The following PHYKPL variants were observed in gnomAD, a reference collection of about 807,000 sequenced individuals.
PHYKPL encodes the protein 5-phosphohydroxy-L-lysine phospho-lyase.
A neutral mutation model predicts 51.3 loss-of-function variants in PHYKPL; 42 were observed. The ratio of observed to expected loss-of-function variants is 0.82; its 90% CI spans 0.64 to 1.06. The LOEUF (loss-of-function observed/expected upper bound fraction) is 1.06, where lower values mean the gene tolerates loss of function less well. PHYKPL is among the 50% of genes least tolerant of loss of function. The pLI is 0.00. For synonymous variants in PHYKPL, 264 were observed against 236.0 expected, an observed-to-expected ratio of 1.12 and a Z score of -1.09; for missense variants, 655 against 586.6, an observed-to-expected ratio of 1.12 and a Z score of -1.20.
intron 12 of PHYKPL, chr5:178,211,468 A>G (rs938834915): frequency 6.3e-6 from 1 of 159,984 alleles, no homozygotes; most frequent in African/African-American, 2.4e-5. Context: ...TGAATGAAAA[A>G]ATGGGATTCT....
chr5:178,211,865 A>C, intron 12 of PHYKPL, 25 bp downstream of exon 12: 4 of 1,547,810 alleles, frequency 2.6e-6, no homozygotes, highest in Non-Finnish European at 3.6e-6. Flanking sequence ...TGCATCTTCA[A>C]GAGTAAGAAG....
intron 2 of PHYKPL, chr5:178,230,356 G>T: frequency 4.5e-6 from 2 of 444,788 alleles, no homozygotes; most frequent in Non-Finnish European, 4.1e-6. Context: ...TCTTTAAGGA[G>T]GACTTTTTTT....
At chr5:178,209,549 C>A in intron 12 of PHYKPL, 1 of 1,000,192 alleles carries the variant, frequency 1.0e-6, no homozygotes, top group Non-Finnish European at 1.5e-6. Context: ...CAGGGGTGGG[C>A]AGATTGTGTG....
At chr5:178,210,970 C>A in intron 12 of PHYKPL, 1 of 275,070 alleles carries the variant, frequency 3.6e-6, no homozygotes, top group Non-Finnish European at 6.9e-6. Flanking sequence ...ACCAGTGTCA[C>A]CTTTTTTTCA....
intron 1 of PHYKPL, chr5:178,232,133 C>T (rs1763593318): frequency 8.4e-7 from 1 of 1,195,082 alleles, no homozygotes; most frequent in Non-Finnish European, 1.1e-6. Flanking sequence ...GCTGACGGGC[C>T]ACCCTGGGTG....
intron 8 of PHYKPL, among the ~76,000 whole-genome samples, chr5:178,219,879 G>A (rs573336373): frequency 1.6e-4 from 25 of 152,166 alleles, no homozygotes; most frequent in African/African-American, 6.0e-4. Context: ...CCACTTGACT[G>A]GCAAAAATTA....
chr5:178,210,752 TC>T (rs1758034336), intron 12 of PHYKPL: 8 of 733,212 alleles, frequency 1.1e-5, no homozygotes, highest in Non-Finnish European at 1.9e-5. Context: ...ATTTAAAATT[TC>T]CCCCATGGAA....
At chr5:178,209,302 G>A (rs1757428941) in intron 12 of PHYKPL, 1 of 1,589,876 alleles carries the variant, frequency 6.3e-7, no homozygotes, top group East Asian at 2.2e-5. Flanking sequence ...TGTCCTACTG[G>A]CCTGACCACT....
chr5:178,232,299 G>A (rs944613768), intron 1 of PHYKPL, 193 bp downstream of exon 1: 2 of 1,255,156 alleles, frequency 1.6e-6, no homozygotes, highest in Non-Finnish European at 2.0e-6. Context: ...ACCACCCGCC[G>A]GGACTGCCCA....
chr5:178,217,036 A>G (rs908977046), intron 8 of PHYKPL: 1 of 152,246 alleles, frequency 6.6e-6, no homozygotes, highest in African/African-American at 2.4e-5. Flanking sequence ...GCAAACAGAA[A>G]CAACCCCAAA....
At chr5:178,210,433 C>T (rs1332290659) in intron 12 of PHYKPL, 4 of 1,514,282 alleles carry the variant, frequency 2.6e-6, no homozygotes, top group Non-Finnish European at 3.6e-6. Context: ...GTCTTAATAA[C>T]ATGAGGAAGG....
chr5:178,211,379 G>T (rs56727222), intron 12 of PHYKPL: 6,299 of 155,482 alleles, frequency 0.041, 397 homozygotes, highest in African/African-American at 0.14. Flanking sequence ...GAGTGAGGAT[G>T]GGGCAGTGAT....
At chr5:178,228,901 A>G (rs1221609372) in intron 3 of PHYKPL, among the ~76,000 whole-genome samples, 1 of 152,120 alleles carries the variant, frequency 6.6e-6, no homozygotes, top group Non-Finnish European at 1.5e-5. Flanking sequence ...CTCTTAGGAT[A>G]AAGACAGCTT....
chr5:178,210,994 T>C, intron 12 of PHYKPL: 1 of 236,852 alleles, frequency 4.2e-6, no homozygotes, highest in Non-Finnish European at 8.2e-6. Context: ...TTTAATTTTA[T>C]ATTATTTGCG....
chr5:178,225,980 AT>A, intron 3 of PHYKPL: 1 of 154,016 alleles, frequency 6.5e-6, no homozygotes, highest in Non-Finnish European at 1.4e-5. Context: ...GGGTCTCACT[AT>A]ATTGCCCAGA....
chr5:178,218,375 ATGTT>A (rs1001977135), intron 8 of PHYKPL, among the ~76,000 whole-genome samples: 2 of 152,170 alleles, frequency 1.3e-5, no homozygotes, highest in Non-Finnish European at 2.9e-5. Flanking sequence ...AGTGAATTGA[ATGTT>A]TGTGTCTCTC....
intron 12 of PHYKPL, chr5:178,211,080 G>T: frequency 5.8e-6 from 1 of 172,456 alleles, no homozygotes; most frequent in Non-Finnish European, 1.2e-5. Flanking sequence ...TGTATTGTAA[G>T]GTATTTTACA....
At chr5:178,228,497 A>C in intron 3 of PHYKPL, 5 of 701,634 alleles carry the variant, frequency 7.1e-6, no homozygotes, top group Non-Finnish European at 1.0e-5. Context: ...CCACTGAGGA[A>C]GCACCAGCTC....
chr5:178,225,385 G>C lies in PHYKPL; in HGVS notation c.383C>G (p.Thr128Arg). Residue 128 changes from threonine to arginine, a missense_variant, in exon 4 of 13, where the codon ACG becomes AGG. Physicochemically the swap from Thr to Arg is moderately conservative, Grantham distance 71. Coordinates refer to ENST00000308158, the MANE Select transcript of PHYKPL (RefSeq NM_153373.4). The stretch of plus-strand genomic sequence containing the variant: ...TAATACCACCACGTCCTGGTGTCCC[G>C]TGTAGTGGCGAGCCAGCCTCAGGGC... ...DLALRLARHY[T>R]GHQDVVVLDH... 1 of 1,613,908 alleles carries C rather than the reference G, an allele frequency of 6.2e-7. No individual in the cohort carries two copies. Among genetic ancestry groups the C allele is most frequent in the Non-Finnish European group, 8.5e-7 (1 of 1,180,032 alleles).
Sources: gnomAD v4.1 joint callset for allele counts (sites outside exome capture counted in the v4.1 genomes callset) on GRCh38, gnomAD v4.1.1 for gene constraint, MANE v1.5 for transcripts, NCBI Gene and HGNC (gene_info 2026-07-23, HGNC 2026-07-21) for gene names.